The following FER variants were observed in gnomAD, a reference collection of about 807,000 sequenced individuals.
FER encodes tyrosine-protein kinase Fer.
A neutral mutation model predicts 111.0 loss-of-function variants in FER; 63 were observed. The ratio of observed to expected loss-of-function variants is 0.57; its 90% confidence interval spans 0.46 to 0.70. The LOEUF is 0.70. Among genes scored for constraint, FER ranks in the 30% least tolerant of loss-of-function variants. The pLI is 0.00. For missense variants in FER, 914 were observed against 954.0 expected (o/e 0.96, Z 0.55); for synonymous variants, 327 against 313.9 (o/e 1.04, Z -0.44).
At chr5:108,894,139 T>A (rs1377112983) in intron 9 of FER, among the ~76,000 whole-genome samples, 1 of 151,960 alleles carries the variant, frequency 6.6e-6, no homozygotes, top group African/African-American at 2.4e-5. Context: ...GGCTTTGAAG[T>A]TTTCCATCCT....
chr5:109,045,456 TGATAA>T (rs1771830019), intron 15 of FER, among the ~76,000 whole-genome samples: 1 of 152,118 alleles, frequency 6.6e-6, no homozygotes, highest in Non-Finnish European at 1.5e-5. Context: ...TTATAACTGT[TGATAA>T]GATAATAAAG....
intron 17 of FER, among the ~76,000 whole-genome samples, chr5:109,101,650 A>G (rs1025461784): frequency 6.6e-6 from 1 of 152,154 alleles, no homozygotes; most frequent in Non-Finnish European, 1.5e-5. Flanking sequence ...TTGGAAATTA[A>G]CTAAAAATAA....
intron 16 of FER, among the ~76,000 whole-genome samples, chr5:109,067,695 T>C (rs1013116970): frequency 7.2e-5 from 11 of 152,162 alleles, no homozygotes; most frequent in Non-Finnish European, 1.6e-4. Flanking sequence ...ATTTTGTACA[T>C]CTATGATTTC....
intron 10 of FER, among the ~76,000 whole-genome samples, chr5:108,906,410 C>G (rs972963984): frequency 5.3e-5 from 8 of 152,046 alleles, no homozygotes; most frequent in Non-Finnish European, 1.0e-4. Context: ...CTTCTCTGTA[C>G]TTGAAATATT....
At chr5:108,965,317 A>G (rs549412722) in intron 13 of FER, among the ~76,000 whole-genome samples, 28 of 152,322 alleles carry the variant, frequency 1.8e-4, no homozygotes, top group Admixed American at 3.3e-4. Context: ...GTGGCCTACA[A>G]TAACCTCACT....
At chr5:108,886,653 T>C (rs1462046735) in intron 9 of FER, among the ~76,000 whole-genome samples, 1 of 151,650 alleles carries the variant, frequency 6.6e-6, no homozygotes, top group Non-Finnish European at 1.5e-5. Flanking sequence ...TATTATTTGC[T>C]TGATCTTATG....
intron 5 of FER, among the ~76,000 whole-genome samples, chr5:108,865,240 TAAG>T (rs1763922059): frequency 6.6e-6 from 1 of 152,152 alleles, no homozygotes; most frequent in African/African-American, 2.4e-5. Context: ...CCTATCAGCT[TAAG>T]GAGATTTTGG....
At chr5:108,749,180 C>T (rs1271643451) in intron 1 of FER, among the ~76,000 whole-genome samples, 1 of 152,122 alleles carries the variant, frequency 6.6e-6, no homozygotes, top group African/African-American at 2.4e-5. Context: ...GCCAGCGCCC[C>T]CCCCAACCCC....
intron 17 of FER, among the ~76,000 whole-genome samples, chr5:109,178,216 T>C (rs1757912756): frequency 1.3e-5 from 2 of 152,218 alleles, no homozygotes; most frequent in South Asian, 4.1e-4. Context: ...AATGCATAGA[T>C]TATCTCAAAA....
At chr5:108,936,706 T>C (rs1755525139) in intron 10 of FER, among the ~76,000 whole-genome samples, 1 of 152,076 alleles carries the variant, frequency 6.6e-6, no homozygotes, top group East Asian at 1.9e-4. Flanking sequence ...GATTAAATAA[T>C]ACATTTTTAT....
chr5:109,160,365 A>G (rs993529877), intron 17 of FER, among the ~76,000 whole-genome samples: 2 of 152,124 alleles, frequency 1.3e-5, no homozygotes, highest in Non-Finnish European at 2.9e-5. Flanking sequence ...GGTTCAGTTC[A>G]TTTTCTCTCA....
chr5:108,883,527 AAG>A lies in FER; in HGVS notation c.1046+13_1046+14del, dbSNP rs760876602. 2.7e-5 allele frequency: 43 copies of A among 1,567,292 alleles called. No homozygotes were observed. The highest frequency in any genetic ancestry group is 3.4e-5 in the Non-Finnish European group (39 of 1,156,546). ...TGTGAGAAGAAGTCTGAGTGAGTAA[AAG>A]AGAAACAATTTGAAGGAAGAATGTT... On this transcript the variant is annotated intron_variant, in intron 9 of 19. Transcript: ENST00000281092.
At chr5:108,857,149 C>T (rs529772052) in intron 5 of FER, among the ~76,000 whole-genome samples, 2 of 151,980 alleles carry the variant, frequency 1.3e-5, no homozygotes, top group South Asian at 4.1e-4. Flanking sequence ...GTGGTGCATA[C>T]ATATATATGC....
intron 17 of FER, among the ~76,000 whole-genome samples, chr5:109,101,226 G>C (rs139441581): frequency 2.0e-4 from 31 of 152,046 alleles, no homozygotes; most frequent in Middle Eastern, 3.4e-3. Context: ...ATATGGCTAA[G>C]TATAAATAAG....
intron 3 of FER, among the ~76,000 whole-genome samples, chr5:108,811,011 T>A (rs1757700762): frequency 6.6e-6 from 1 of 152,038 alleles, no homozygotes; most frequent in Non-Finnish European, 1.5e-5. Flanking sequence ...GTCAGCCTGC[T>A]TCTCCAGGTG....
intron 16 of FER, among the ~76,000 whole-genome samples, chr5:109,051,097 A>G (rs568810864): frequency 3.3e-5 from 5 of 152,136 alleles, no homozygotes; most frequent in Admixed American, 6.5e-5. Context: ...TTAAATACCA[A>G]TATGCACCTC....
intron 17 of FER, among the ~76,000 whole-genome samples, chr5:109,140,640 A>G (rs1224775523): frequency 1.3e-5 from 2 of 152,230 alleles, no homozygotes; most frequent in East Asian, 1.9e-4. Context: ...TACCCTTATG[A>G]AAGTCTTGGA....
intron 17 of FER, among the ~76,000 whole-genome samples, chr5:109,107,445 T>G (rs1291972432): frequency 6.6e-6 from 1 of 152,110 alleles, no homozygotes; most frequent in Non-Finnish European, 1.5e-5. Context: ...TTAAGCCTAG[T>G]ACCCAGTAGT....
intron 11 of FER, among the ~76,000 whole-genome samples, chr5:108,947,363 A>G (rs1374846991): frequency 6.6e-6 from 1 of 151,956 alleles, no homozygotes; most frequent in East Asian, 1.9e-4. Context: ...AACAATTGTT[A>G]TTTTAAATGT....
Sources: gnomAD v4.1 joint callset for allele counts (sites outside exome capture counted in the v4.1 genomes callset) on GRCh38, gnomAD v4.1.1 for gene constraint, MANE v1.5 for transcripts, NCBI Gene and HGNC (gene_info 2026-07-23, HGNC 2026-07-21) for gene names.